CDHR1: variants seen among roughly 807,000 people sequenced by gnomAD.
CDHR1 encodes the protein cadherin-related family member 1.
In CDHR1, 61 loss-of-function variants were observed where a neutral mutation model predicts 72.1. The observed-to-expected ratio is 0.85, with a 90% CI of 0.69 to 1.05. CDHR1 has a LOEUF of 1.05. Ranked by LOEUF, CDHR1 falls within the 50% of genes least tolerant of loss-of-function variation. CDHR1 has a pLI of 0.00. For synonymous variants in CDHR1, 470 were observed against 448.1 expected (o/e 1.05, Z -0.62); for missense variants, 1,186 against 1,115.7 (o/e 1.06, Z -0.90).
rs759673228 is a variant in CDHR1, at chr10:84,211,126, T to C, written c.1446T>C (p.Pro482=). Residue 482 remains proline (P), a synonymous_variant, in exon 13 of 17, where the codon CCT becomes CCC. Transcript: ENST00000623527. ...FDSLYYVARI[P]ENAPGGSSVV... ...CCCTCTACTACGTTGCCAGGATTCC[T>C]GAGAACGCCCCAGGGGGCTCCAGCG... 2.6e-5 allele frequency: 42 copies of C among 1,614,072 alleles called. No individual in the cohort carries two copies. The highest frequency in any genetic ancestry group is 1.8e-4 in the South Asian group (16 of 91,084).
At chr10:84,209,181 T>A (rs775978223) in intron 12 of CDHR1, among the ~76,000 whole-genome samples, 1 of 152,246 alleles carries the variant, frequency 6.6e-6, no homozygotes, top group Non-Finnish European at 1.5e-5. Context: ...TCAAGATAGA[T>A]GTTTTATCAT....
rs1842137857 is a variant in CDHR1, at chr10:84,202,054, G to T, written c.639+134G>T. The T allele has an allele frequency of 4.0e-6, 3 of 746,628 alleles. No individual in the cohort carries two copies. In the Admixed American group the frequency reaches 6.0e-5, roughly 15 times the overall value. 46.3% of individuals were successfully genotyped at this position (746,628 alleles called of 1,614,324 possible). A position where few individuals can be genotyped will look rare whatever the true frequency, so the allele number is the denominator to read the frequency against. ...GGGCGTGGGGAAATAGGGAGCAGCT[G>T]CTCGGAATTTTTCCTGCCTGGACAT... is the stretch of plus-strand genomic sequence containing the variant. On this transcript the variant is annotated intron_variant, in intron 7 of 16. Transcript: ENST00000623527.
chr10:84,213,302 C>T lies in CDHR1; in HGVS notation c.1994C>T (p.Ser665Phe), dbSNP rs1842371255. Residue 665 changes from serine to phenylalanine, a missense_variant, in exon 16 of 17, where the codon TCC (serine) becomes TTC (phenylalanine). Coordinates refer to ENST00000623527, the MANE Select transcript of CDHR1 (RefSeq NM_033100.4). The part of the protein sequence containing the change: ...EVQAKDRGSP[S>F]FSTTALLKID... ...CAGGCCAAGGACCGGGGCTCCCCATCCTTCAGCACCACAGCCTTACTCAAG... is the reference window on the plus strand; with the variant it reads ...CAGGCCAAGGACCGGGGCTCCCCATTCTTCAGCACCACAGCCTTACTCAAG... The T allele has an allele frequency of 6.2e-7, 1 of 1,614,248 alleles. No individual in the cohort carries two copies. The highest frequency in any genetic ancestry group is 8.5e-7 in the Non-Finnish European group (1 of 1,180,050).
chr10:84,200,647 G>A lies in CDHR1; in HGVS notation c.485G>A (p.Arg162Lys). ...SIIFKVHAVD[R>K]DTGSGGSVTY... is the part of the protein sequence containing the mutation. ...ATCTTTAAGGTCCATGCAGTGGACA[G>A]GGACACAGGCTCTGGAGGGAGTGTC... The change falls in exon 6 of 17, where the codon AGG becomes AAG. Residue 162 changes from arginine to lysine, a missense_variant. Physicochemically the swap from Arg to Lys is conservative, Grantham distance 26 (BLOSUM62 2). Coordinates refer to ENST00000623527, the MANE Select transcript of CDHR1 (RefSeq NM_033100.4). 1 of 1,612,524 alleles carries A rather than the reference G, an allele frequency of 6.2e-7. No homozygotes were observed. Among genetic ancestry groups the A allele is most frequent in the Non-Finnish European group, 8.5e-7 (1 of 1,179,354 alleles).
chr10:84,214,904 A>C lies in CDHR1; in HGVS notation c.*283A>C. The C allele has an allele frequency of 7.3e-7, 1 of 1,374,626 alleles. No homozygotes were observed. The highest frequency in any genetic ancestry group is 9.4e-7 in the Non-Finnish European group (1 of 1,062,530). 85.2% of individuals were successfully genotyped at this position (1,374,626 alleles called of 1,614,324 possible). On this transcript the variant is annotated 3_prime_UTR_variant, in exon 17 of 17. Transcript: ENST00000623527. ...CCTTGGCACTACTACAATGCCCTCC[A>C]TTCTTCAGGGCTGAGAATTGACGAG...
rs1434911759 is a variant in CDHR1 at position 84,216,069 on chromosome 10, T to C, written c.*1448T>C. ...CAGGACAGAAGTCATACAAGGCCTC[T>C]GGGGTTAATACAAATAGGTTGTGCC... On this transcript the variant is annotated 3_prime_UTR_variant, in exon 17 of 17. Transcript: ENST00000623527. 2 of 985,334 alleles carry C rather than the reference T, an allele frequency of 2.0e-6. No homozygotes were observed. Among genetic ancestry groups the C allele is most frequent in the East Asian group, 1.1e-4 (1 of 8,826 alleles). 61.0% of individuals were successfully genotyped at this position (985,334 alleles called of 1,614,324 possible).
chr10:84,216,129 T>C lies in CDHR1; in HGVS notation c.*1508T>C. 7 of 985,458 alleles carry C rather than the reference T, an allele frequency of 7.1e-6. No individual in the cohort carries two copies. The highest frequency in any genetic ancestry group is 8.4e-6 in the Non-Finnish European group (7 of 829,938). 61.0% of individuals were successfully genotyped at this position (985,458 alleles called of 1,614,324 possible). Reference sequence around the variant, plus strand: ...GGAACCTGCTATCAGGAAATCTACATGTGTGCACAGAGAGAGAAAAGTAGA... The same window carrying C: ...GGAACCTGCTATCAGGAAATCTACACGTGTGCACAGAGAGAGAAAAGTAGA... On this transcript the variant is annotated 3_prime_UTR_variant, in exon 17 of 17. Coordinates refer to ENST00000623527, the MANE Select transcript of CDHR1 (RefSeq NM_033100.4).
intron 15 of CDHR1, 196 bp from the exon 16 acceptor site, chr10:84,212,895 C>A (rs1245111509): frequency 9.0e-6 from 6 of 666,604 alleles, no homozygotes; most frequent in Non-Finnish European, 2.6e-6. Flanking sequence ...AATCGGCTAG[C>A]CCATGTGTAA....
At chr10:84,206,725 C>T (rs1329622299) in intron 10 of CDHR1, among the ~76,000 whole-genome samples, 8 of 152,134 alleles carry the variant, frequency 5.3e-5, no homozygotes, top group African/African-American at 1.7e-4. Context: ...GTGTTTGGGG[C>T]AAACCCAGGA....
chr10:84,195,714 C>A, intron 2 of CDHR1, 125 bp downstream of exon 2: 3 of 791,186 alleles, frequency 3.8e-6, no homozygotes, highest in Non-Finnish European at 4.3e-6. Context: ...GTTTGCTCTC[C>A]GAATTCCCCT....
chr10:84,215,290 A>T lies in CDHR1; in HGVS notation c.*669A>T. The T allele has an allele frequency of 1.0e-6, 1 of 988,148 alleles. No individual in the cohort carries two copies. The allele number at this position is 988,148 out of a possible 1,614,324, so 61.2% of individuals were successfully genotyped here. On this transcript the variant is annotated 3_prime_UTR_variant, in exon 17 of 17. Coordinates refer to ENST00000623527, the MANE Select transcript of CDHR1 (RefSeq NM_033100.4). The stretch of plus-strand genomic sequence containing the variant: ...CGTGGGACAGAGGACACAGAGGTGG[A>T]AGATTGATCTTGCCAAGAGTGAGGG...
Position 84,213,274 on chromosome 10 carries a change from G to T in CDHR1, c.1966G>T (p.Val656Leu), listed in dbSNP as rs142045222. 1 of 1,614,104 alleles carries T rather than the reference G, an allele frequency of 6.2e-7. No individual in the cohort carries two copies. The highest frequency in any genetic ancestry group is 8.5e-7 in the Non-Finnish European group (1 of 1,180,052). Residue 656 changes from valine (V) to leucine (L), a missense_variant, in exon 16 of 17, where the codon GTG becomes TTG. Coordinates refer to ENST00000623527, the MANE Select transcript of CDHR1 (RefSeq NM_033100.4). Reference protein sequence around the residue: ...PGRDCLWSLEVQAKDRGSPSF... With the variant: ...PGRDCLWSLELQAKDRGSPSF... Reference sequence around the variant, plus strand: ...AAGGGACTGCCTATGGTCCCTAGAGGTGCAGGCCAAGGACCGGGGCTCCCC... The same window carrying T: ...AAGGGACTGCCTATGGTCCCTAGAGTTGCAGGCCAAGGACCGGGGCTCCCC...
At chr10:84,204,474 G>A in intron 8 of CDHR1, 53 bp from the exon 9 acceptor site, 1 of 1,243,928 alleles carries the variant, frequency 8.0e-7, no homozygotes. Context: ...TGTTTGGGGA[G>A]GGGAGGGTCC....
At position 84,214,883 on chromosome 10, in the gene CDHR1, G is replaced by T; in HGVS notation, c.*262G>T. 1 of 1,427,782 alleles carries T rather than the reference G, an allele frequency of 7.0e-7. No individual in the cohort carries two copies. The highest frequency in any genetic ancestry group is 2.6e-5 in the East Asian group (1 of 38,320). The allele number at this position is 1,427,782 out of a possible 1,614,324, so 88.4% of individuals were successfully genotyped here. A position where few individuals can be genotyped will look rare whatever the true frequency, so the allele number is the denominator to read the frequency against. ...ATACGTCCCCGTTACTCAAATCCTT[G>T]GCACTACTACAATGCCCTCCATTCT... On this transcript the variant is annotated 3_prime_UTR_variant, in exon 17 of 17. Coordinates refer to ENST00000623527, the MANE Select transcript of CDHR1 (RefSeq NM_033100.4).
In CDHR1 at chr10:84,211,693, A is replaced by G; in HGVS notation, c.1531A>G (p.Thr511Ala). The G allele has an allele frequency of 1.2e-6, 2 of 1,613,976 alleles. No homozygotes were observed. The highest frequency in any genetic ancestry group is 1.7e-6 in the Non-Finnish European group (2 of 1,179,916). Residue 511 changes from threonine (T) to alanine (A), a missense_variant, in exon 14 of 17, where the codon ACC (threonine) becomes GCC (alanine). Transcript: ENST00000623527. Reference sequence around the variant, plus strand: ...ACCCTGGGGCGAAGTGAAATATTCCACCTATGGGACTGGGGCAGACCTGTA... The same window carrying G: ...ACCCTGGGGCGAAGTGAAATATTCCGCCTATGGGACTGGGGCAGACCTGTA... ...TGPWGEVKYS[T>A]YGTGADLFLI...
In CDHR1 at chr10:84,213,110, A is replaced by G; in HGVS notation, c.1802A>G (p.Glu601Gly). ...VKIEAIDEDAEEPNNLVDYSI... is the reference protein window; with the variant it reads ...VKIEAIDEDAGEPNNLVDYSI... ...GCACAGGCCATAGACGAGGATGCAG[A>G]GGAACCCAACAACCTGGTGGACTAT... is the stretch of plus-strand genomic sequence containing the variant. The change falls in exon 16 of 17, where the codon GAG becomes GGG. Residue 601 changes from glutamate (E) to glycine (G), a missense_variant. Coordinates refer to ENST00000623527, the MANE Select transcript of CDHR1 (RefSeq NM_033100.4). 1 of 1,614,232 alleles carries G rather than the reference A, an allele frequency of 6.2e-7. No individual in the cohort carries two copies. The highest frequency in any genetic ancestry group is 8.5e-7 in the Non-Finnish European group (1 of 1,180,036).
chr10:84,210,484 C>G (rs554409016), intron 12 of CDHR1, among the ~76,000 whole-genome samples: 1 of 152,222 alleles, frequency 6.6e-6, no homozygotes, highest in South Asian at 2.1e-4. Flanking sequence ...CCAGGCTGGT[C>G]TCGAACTCCC....
rs1231826320 is a variant in CDHR1, at chr10:84,203,024, C to T, written c.684C>T (p.Ala228=). The change falls in exon 8 of 17, where the codon GCC becomes GCT. Residue 228 remains alanine (A), a synonymous_variant. Coordinates refer to ENST00000623527, the MANE Select transcript of CDHR1 (RefSeq NM_033100.4). ...ATGGGGCTGATGTGGTGTTCTCAGCCACCACCACGGTCACGGTCAATGTGG... is the reference window on the plus strand; with the variant it reads ...ATGGGGCTGATGTGGTGTTCTCAGCTACCACCACGGTCACGGTCAATGTGG... ...RLHGADVVFS[A]TTTVTVNVED... is the part of the protein sequence containing the mutation. 2 of 1,614,078 alleles carry T rather than the reference C, an allele frequency of 1.2e-6. No homozygotes were observed. The highest frequency in any genetic ancestry group is 1.3e-5 in the African/African-American group (1 of 74,940).
rs74903725 is a variant in CDHR1, at chr10:84,194,804, G to T, written c.44G>T (p.Arg15Leu). Reference protein sequence around the residue: ...RWAALALGLLRLCLAQANFAP... With the variant: ...RWAALALGLLLLCLAQANFAP... Reference sequence around the variant, plus strand: ...GCCGCCCTGGCCCTGGGGCTGCTGCGCCTCTGCTTGGGTGAGTGGCCGCTG... The same window carrying T: ...GCCGCCCTGGCCCTGGGGCTGCTGCTCCTCTGCTTGGGTGAGTGGCCGCTG... The change falls in exon 1 of 17, where the codon CGC becomes CTC. Residue 15 changes from arginine to leucine, a missense_variant. By Grantham distance (102) the Arg-to-Leu change is moderately radical. Transcript: ENST00000623527. 493 of 1,532,480 alleles carry T rather than the reference G, an allele frequency of 3.2e-4. 4 individuals are homozygous for T. In the East Asian group the frequency reaches 0.011, roughly 36 times the overall value. The allele number at this position is 1,532,480 out of a possible 1,614,324, so 94.9% of individuals were successfully genotyped here.
Sources: gnomAD v4.1 joint callset for allele counts (sites outside exome capture counted in the v4.1 genomes callset) on GRCh38, gnomAD v4.1.1 for gene constraint, MANE v1.5 for transcripts, NCBI Gene and HGNC (gene_info 2026-07-23, HGNC 2026-07-21) for gene names.